RBFOX2: variants seen among roughly 807,000 people sequenced by gnomAD.
RBFOX2 encodes RNA binding fox-1 homolog 2.
In RBFOX2, 10 loss-of-function variants were observed where a neutral mutation model predicts 49.1. That is an observed-to-expected ratio of 0.20 (90% CI 0.13 to 0.35). The LOEUF is 0.35. RBFOX2 is among the 10% of genes least tolerant of loss of function. The pLI, the probability that RBFOX2 is intolerant of heterozygous loss-of-function variation, is 1.00. For synonymous variants in RBFOX2, 183 were observed against 187.4 expected (o/e 0.98, Z 0.19); for missense variants, 323 against 486.9 (o/e 0.66, Z 3.17).
intron 1 of RBFOX2, among the ~76,000 whole-genome samples, chr22:35,914,250 A>AGAGT (rs1437199862): frequency 6.6e-6 from 1 of 152,192 alleles, no homozygotes; most frequent in African/African-American, 2.4e-5. Context: ...TTTGCCCTGC[A>AGAGT]GAGTCATAAG....
intron 1 of RBFOX2, chr22:36,000,005 A>ATATATATATT (rs10625815): frequency 4.0e-4 from 47 of 118,944 alleles, no homozygotes; most frequent in Admixed American, 1.4e-3. Context: ...ATATATATAT[A>ATATATATATT]TTTTTTTTTT....
chr22:35,932,874 A>G (rs1455022101), intron 1 of RBFOX2, among the ~76,000 whole-genome samples: 1 of 152,220 alleles, frequency 6.6e-6, no homozygotes, highest in Non-Finnish European at 1.5e-5. Context: ...GAGTCTCAAA[A>G]AAATTGACAA....
At chr22:36,008,019 T>A (rs1394256231) in intron 1 of RBFOX2, among the ~76,000 whole-genome samples, 1 of 152,186 alleles carries the variant, frequency 6.6e-6, no homozygotes, top group Non-Finnish European at 1.5e-5. Context: ...TGCAAGAGCA[T>A]CTGTAGGATA....
At chr22:36,014,807 A>T (rs1377618650) in intron 1 of RBFOX2, among the ~76,000 whole-genome samples, 1 of 152,242 alleles carries the variant, frequency 6.6e-6, no homozygotes, top group African/African-American at 2.4e-5. Context: ...GCATTTTTAT[A>T]CAGCTGACAA....
At chr22:35,855,478 C>T (rs1310063427) in intron 1 of RBFOX2, among the ~76,000 whole-genome samples, 1 of 152,132 alleles carries the variant, frequency 6.6e-6, no homozygotes, top group African/African-American at 2.4e-5. Context: ...ACAATCTCAG[C>T]TCACTGCAAC....
At chr22:35,890,190 T>C (rs572844465) in intron 1 of RBFOX2, among the ~76,000 whole-genome samples, 1 of 152,282 alleles carries the variant, frequency 6.6e-6, no homozygotes, top group African/African-American at 2.4e-5. Context: ...TAAGTAATTG[T>C]CTCAAGTAAC....
At chr22:35,952,875 C>T (rs914805106) in intron 1 of RBFOX2, among the ~76,000 whole-genome samples, 3 of 152,074 alleles carry the variant, frequency 2.0e-5, no homozygotes, top group Non-Finnish European at 4.4e-5. Flanking sequence ...GTACTCAAAA[C>T]CAATACTTGT....
At chr22:35,826,517 G>A (rs1189610854) in intron 1 of RBFOX2, among the ~76,000 whole-genome samples, 2 of 151,916 alleles carry the variant, frequency 1.3e-5, no homozygotes, top group Non-Finnish European at 2.9e-5. Context: ...AATATGAGGG[G>A]AAAAATCACA....
intron 2 of RBFOX2, among the ~76,000 whole-genome samples, chr22:35,781,947 C>G (rs1170592218): frequency 6.6e-6 from 1 of 152,160 alleles, no homozygotes; most frequent in Non-Finnish European, 1.5e-5. Flanking sequence ...CGTCTACAAA[C>G]AAAATGTTGG....
At position 35,893,282 on chromosome 22, in the gene RBFOX2, T is replaced by C. The variant is rs180885735; in HGVS notation, c.-34+45565A>G. Among the ~76,000 whole-genome samples, 12 of 152,240 alleles carry C rather than the reference T, an allele frequency of 7.9e-5. No individual in the cohort carries two copies. In the East Asian group the frequency reaches 1.9e-3, roughly 24 times the overall value. ...TTCTATCTCAATCTGGCATGTAGCA[T>C]TGGTAGGGAAGCTCTGTTCCAGGGT... On this transcript the variant is annotated intron_variant, in intron 1 of 13. Transcript: ENST00000359369.
intron 1 of RBFOX2, among the ~76,000 whole-genome samples, chr22:35,953,992 C>T: frequency 6.6e-6 from 1 of 152,084 alleles, no homozygotes; most frequent in Non-Finnish European, 1.5e-5. Flanking sequence ...AATAGGTTAG[C>T]CCTTCCTTTC....
chr22:36,026,868 G>C (rs753599542), intron 1 of RBFOX2, among the ~76,000 whole-genome samples: 14 of 152,220 alleles, frequency 9.2e-5, no homozygotes, highest in Non-Finnish European at 1.5e-4. Context: ...CTAGGCTTAA[G>C]TACAGCTCTG....
chr22:35,854,863 T>C (rs1171405075), intron 1 of RBFOX2, among the ~76,000 whole-genome samples: 2 of 152,032 alleles, frequency 1.3e-5, no homozygotes, highest in African/African-American at 4.8e-5. Context: ...GAAATAATAC[T>C]GATGGAAAAA....
At chr22:35,743,187 T>C (rs961986619) in exon 12 of RBFOX2, 3 of 152,268 alleles carry the variant, frequency 2.0e-5, no homozygotes, top group African/African-American at 7.2e-5. Flanking sequence ...CTTCTAATAT[T>C]CCTTTTCCCT....
chr22:35,817,365 T>C (rs547027113), intron 1 of RBFOX2, among the ~76,000 whole-genome samples: 27 of 152,092 alleles, frequency 1.8e-4, no homozygotes, highest in East Asian at 1.7e-3. Context: ...TAATCCCAGC[T>C]ACCTGGGAGG....
chr22:35,945,837 C>A (rs2054217020), intron 1 of RBFOX2, among the ~76,000 whole-genome samples: 1 of 152,136 alleles, frequency 6.6e-6, no homozygotes, highest in Non-Finnish European at 1.5e-5. Context: ...ATAAGTGATA[C>A]GAATCTGATA....
intron 1 of RBFOX2, among the ~76,000 whole-genome samples, chr22:35,872,277 TG>T (rs1881561931): frequency 6.6e-6 from 1 of 152,158 alleles, no homozygotes; most frequent in Non-Finnish European, 1.5e-5. Flanking sequence ...GGGCAGGCTG[TG>T]GGGCTCCGAC....
chr22:35,943,163 C>A (rs2149781730), upstream of RBFOX2, among the ~76,000 whole-genome samples: 1 of 152,304 alleles, frequency 6.6e-6, no homozygotes, highest in African/African-American at 2.4e-5. Context: ...ATGGTAAAAA[C>A]CGCAACTATT....
chr22:35,851,826 A>T (rs1303080503), intron 1 of RBFOX2, among the ~76,000 whole-genome samples: 3 of 150,802 alleles, frequency 2.0e-5, no homozygotes, highest in Non-Finnish European at 4.4e-5. Flanking sequence ...GCAAAACTCC[A>T]TCTCAAAAAA....
Sources: gnomAD v4.1 joint callset for allele counts (sites outside exome capture counted in the v4.1 genomes callset) on GRCh38, gnomAD v4.1.1 for gene constraint, MANE v1.5 for transcripts, NCBI Gene and HGNC (gene_info 2026-07-23, HGNC 2026-07-21) for gene names.